Variants in CCDC149 observed in about 807,000 individuals in gnomAD.
CCDC149 encodes coiled-coil domain-containing protein 149.
Under a neutral mutation model 59.9 loss-of-function variants are expected in CCDC149, and 45 were observed. That is an observed-to-expected ratio of 0.75 (90% CI 0.59 to 0.96). The LOEUF is 0.96. CCDC149 is among the 40% of genes least tolerant of loss of function. The pLI is 0.00. For missense variants in CCDC149, 584 were observed against 664.7 expected, an observed-to-expected ratio of 0.88 and a Z score of 1.33; for synonymous variants, 245 against 260.6, an observed-to-expected ratio of 0.94 and a Z score of 0.58.
intron 1 of CCDC149, among the ~76,000 whole-genome samples, chr4:24,880,195 G>A (rs1012839131): frequency 3.9e-5 from 6 of 152,178 alleles, no homozygotes; most frequent in South Asian, 2.1e-4. Flanking sequence ...GTTTAGATAC[G>A]TTTAGATACA....
Position 24,808,364 on chromosome 4 carries a change from T to C in CCDC149, c.*25A>G. ...GACCCTCTCTGGGGCTTTCAATGTG[T>C]CATTGTGTCAGATCCCTCTCCCCTT... is the stretch of plus-strand genomic sequence containing the variant. On this transcript the variant is annotated 3_prime_UTR_variant, in exon 13 of 13. Coordinates refer to ENST00000635206, the MANE Select transcript of CCDC149 (RefSeq NM_001330643.2). 5 of 1,439,842 alleles carry C rather than the reference T, an allele frequency of 3.5e-6. No individual in the cohort carries two copies. Among genetic ancestry groups the C allele is most frequent in the Non-Finnish European group, 4.6e-6 (5 of 1,093,912 alleles). 89.2% of individuals were successfully genotyped at this position (1,439,842 alleles called of 1,614,324 possible). A position where few individuals can be genotyped will look rare whatever the true frequency, so the allele number is the denominator to read the frequency against.
At chr4:24,832,407 C>T (rs1240439439) in intron 8 of CCDC149, among the ~76,000 whole-genome samples, 1 of 152,152 alleles carries the variant, frequency 6.6e-6, no homozygotes, top group African/African-American at 2.4e-5. Context: ...TATGCAAAAA[C>T]TAGCTGTTCT....
Position 24,845,857 on chromosome 4 carries a change from C to A in CCDC149, c.372+7215G>T, listed in dbSNP as rs1226493270. Among the ~76,000 whole-genome samples, 3 of 152,332 alleles carry A rather than the reference C, an allele frequency of 2.0e-5. No individual in the cohort carries two copies. In the East Asian group the frequency reaches 5.8e-4, roughly 29 times the overall value. On this transcript the variant is annotated intron_variant, in intron 4 of 12. Coordinates refer to ENST00000635206, the MANE Select transcript of CCDC149 (RefSeq NM_001330643.2). ...AGCTAAGAAGCCCCTGAATCACTGTCAGATAGTTCAGCACATGTTGCTCCC... is the reference window on the plus strand; with the variant it reads ...AGCTAAGAAGCCCCTGAATCACTGTAAGATAGTTCAGCACATGTTGCTCCC...
chr4:24,808,760 G>A lies in CCDC149; in HGVS notation c.1252C>T (p.Pro418Ser). ...ACAGCGGGCCTCCCAGCATCCTCAGGCGCTGTCAACGCCTCAGCAGCGGCA... is the reference window on the plus strand; with the variant it reads ...ACAGCGGGCCTCCCAGCATCCTCAGACGCTGTCAACGCCTCAGCAGCGGCA... Residue 418 changes from proline to serine, a missense_variant, in exon 13 of 13, where the codon CCT becomes TCT. Pro to Ser is a moderately conservative substitution (Grantham distance 74). Coordinates refer to ENST00000635206, the MANE Select transcript of CCDC149 (RefSeq NM_001330643.2). The A allele has an allele frequency of 1.9e-6, 3 of 1,551,910 alleles. No homozygotes were observed. The highest frequency in any genetic ancestry group is 2.6e-6 in the Non-Finnish European group (3 of 1,147,050).
At chr4:24,908,079 A>T (rs1051125704) in intron 1 of CCDC149, among the ~76,000 whole-genome samples, 1 of 152,134 alleles carries the variant, frequency 6.6e-6, no homozygotes, top group Admixed American at 6.5e-5. Context: ...TCATAACTTG[A>T]TTATATCTGC....
At chr4:24,860,474 C>T (rs1034685980) in intron 3 of CCDC149, among the ~76,000 whole-genome samples, 2 of 152,154 alleles carry the variant, frequency 1.3e-5, no homozygotes, top group African/African-American at 4.8e-5. Flanking sequence ...AATCTAAGAC[C>T]TGAAACCACA....
upstream of CCDC149, among the ~76,000 whole-genome samples, chr4:24,915,119 T>C (rs1722088403): frequency 6.6e-6 from 1 of 152,248 alleles, no homozygotes; most frequent in Non-Finnish European, 1.5e-5. Context: ...ATCTTTTTAA[T>C]CTAAGGAGCT....
chr4:24,916,126 C>T (rs573633214), upstream of CCDC149, among the ~76,000 whole-genome samples: 259 of 152,278 alleles, frequency 1.7e-3, no homozygotes, highest in African/African-American at 5.9e-3. Flanking sequence ...AGTATTGAGA[C>T]GTTTGCTTTA....
At chr4:24,878,319 T>A (rs1271901760) in intron 1 of CCDC149, among the ~76,000 whole-genome samples, 1 of 151,954 alleles carries the variant, frequency 6.6e-6, no homozygotes, top group Non-Finnish European at 1.5e-5. Context: ...AAAGGACACT[T>A]CCACCTTGGA....
At chr4:24,821,972 G>C (rs1374043663) in intron 10 of CCDC149, among the ~76,000 whole-genome samples, 1 of 152,144 alleles carries the variant, frequency 6.6e-6, no homozygotes, top group African/African-American at 2.4e-5. Context: ...TACATTTTGG[G>C]TTAGAACAAT....
chr4:24,938,894 G>C (rs563190956), intron 1 of CCDC149, among the ~76,000 whole-genome samples: 1 of 152,234 alleles, frequency 6.6e-6, no homozygotes, highest in Non-Finnish European at 1.5e-5. Context: ...CAAAGCGGCC[G>C]GGAAGCTTGA....
At chr4:24,937,721 G>A (rs2109346020) in intron 1 of CCDC149, among the ~76,000 whole-genome samples, 1 of 152,294 alleles carries the variant, frequency 6.6e-6, no homozygotes, top group African/African-American at 2.4e-5. Flanking sequence ...TAAGTGATGT[G>A]CATCACTTCT....
intron 3 of CCDC149, among the ~76,000 whole-genome samples, chr4:24,871,731 G>C (rs1394867640): frequency 2.0e-5 from 3 of 152,178 alleles, no homozygotes; most frequent in Non-Finnish European, 2.9e-5. Flanking sequence ...ATCCTAAAGG[G>C]ACAGAAACTT....
At chr4:24,905,406 CGTGCGTGCGTGTGTGTGTGTGTGT>C (rs1031311189) in intron 1 of CCDC149, among the ~76,000 whole-genome samples, 3 of 110,342 alleles carry the variant, frequency 2.7e-5, no homozygotes, top group Non-Finnish European at 4.0e-5. Flanking sequence ...TTTCTTTTTG[CGTGCGTGCGTGTGTGTGTGTGTGT>C]GTGTGTGTGT....
At chr4:24,878,815 G>A (rs1534296) in intron 1 of CCDC149, among the ~76,000 whole-genome samples, 1,936 of 152,312 alleles carry the variant, frequency 0.013, 42 homozygotes, top group African/African-American at 0.045. Flanking sequence ...GGTAAGGGCC[G>A]CTGCTGACTG....
chr4:24,942,200 G>A (rs1443828472), intron 1 of CCDC149, among the ~76,000 whole-genome samples: 1 of 152,178 alleles, frequency 6.6e-6, no homozygotes, highest in Admixed American at 6.5e-5. Flanking sequence ...TATCCACCAT[G>A]ATCAAGTGGG....
intron 8 of CCDC149, among the ~76,000 whole-genome samples, chr4:24,832,970 C>T (rs1716253908): frequency 6.6e-6 from 1 of 152,108 alleles, no homozygotes; most frequent in East Asian, 1.9e-4. Context: ...ACAGCATGGC[C>T]CCATTCTACA....
intron 1 of CCDC149, among the ~76,000 whole-genome samples, chr4:24,886,810 A>C (rs1255648932): frequency 6.6e-6 from 1 of 152,154 alleles, no homozygotes; most frequent in Non-Finnish European, 1.5e-5. Flanking sequence ...CTTGGTACAC[A>C]CCTACCAGCT....
At chr4:24,842,632 T>C (rs760167825) in intron 4 of CCDC149, among the ~76,000 whole-genome samples, 8 of 152,150 alleles carry the variant, frequency 5.3e-5, no homozygotes, top group Admixed American at 1.3e-4. Flanking sequence ...AGCTTGCGGA[T>C]GAGGTGCAGC....
Sources: allele counts gnomAD v4.1 joint callset (sites outside exome capture counted in the v4.1 genomes callset), GRCh38; gene constraint gnomAD v4.1.1; transcripts MANE v1.5; gene names NCBI Gene and HGNC (gene_info 2026-07-23, HGNC 2026-07-21).